Variants in MPP7 observed in about 807,000 individuals in gnomAD.
MPP7 encodes MAGUK p55 scaffold protein 7.
A neutral mutation model predicts 76.5 loss-of-function variants in MPP7; 60 were observed. That is an observed-to-expected ratio of 0.78 (90% CI 0.64 to 0.97). The LOEUF (loss-of-function observed/expected upper bound fraction) is 0.97. Among genes scored for constraint, MPP7 ranks in the 50% least tolerant of loss-of-function variants. MPP7 has a pLI of 0.00. For missense variants in MPP7, 641 were observed against 694.0 expected (o/e 0.92, Z 0.86); for synonymous variants, 237 against 244.5 (o/e 0.97, Z 0.29).
chr10:28,092,577 CTT>C (rs397969009), intron 11 of MPP7, among the ~76,000 whole-genome samples: 13 of 121,008 alleles, frequency 1.1e-4, no homozygotes, highest in Admixed American at 1.9e-4. Flanking sequence ...GAAAAGGGAC[CTT>C]TTTTTTTTTT....
intron 12 of MPP7, 120 bp downstream of exon 12, chr10:28,089,551 A>C: frequency 1.2e-6 from 1 of 850,542 alleles, no homozygotes; most frequent in Non-Finnish European, 1.8e-6. Flanking sequence ...GAGACAAGAC[A>C]AAAGGTGTTG....
At chr10:28,086,698 TAC>T (rs1487304933) in intron 12 of MPP7, among the ~76,000 whole-genome samples, 1 of 152,168 alleles carries the variant, frequency 6.6e-6, no homozygotes, top group African/African-American at 2.4e-5. Flanking sequence ...GGGGTTCCAT[TAC>T]ACAGTTTTGA....
chr10:28,063,075 A>G (rs1194932890), intron 13 of MPP7, among the ~76,000 whole-genome samples: 1 of 152,196 alleles, frequency 6.6e-6, no homozygotes, highest in East Asian at 1.9e-4. Context: ...AGACTGGAAG[A>G]AAATATGTGT....
At chr10:28,136,531 G>T (rs1463674590) in intron 5 of MPP7, among the ~76,000 whole-genome samples, 1 of 152,064 alleles carries the variant, frequency 6.6e-6, no homozygotes, top group Non-Finnish European at 1.5e-5. Flanking sequence ...AAATTACACA[G>T]ATGATAAACT....
intron 5 of MPP7, among the ~76,000 whole-genome samples, chr10:28,145,090 T>G (rs1228029330): frequency 6.6e-6 from 1 of 152,172 alleles, no homozygotes; most frequent in Non-Finnish European, 1.5e-5. Flanking sequence ...ATTTTTTGTA[T>G]TTTTAGTAGA....
chr10:28,146,540 T>C (rs1440098090), intron 5 of MPP7, among the ~76,000 whole-genome samples: 1 of 151,822 alleles, frequency 6.6e-6, no homozygotes, highest in Non-Finnish European at 1.5e-5. Flanking sequence ...TAGCTGGGAC[T>C]ACAGGCGCCC....
chr10:28,256,088 T>A (rs1408186567), intron 1 of MPP7, among the ~76,000 whole-genome samples: 1 of 152,068 alleles, frequency 6.6e-6, no homozygotes, highest in Non-Finnish European at 1.5e-5. Context: ...AGGTCAACAG[T>A]ATACTAGGAG....
At chr10:28,235,488 T>C in intron 2 of MPP7, among the ~76,000 whole-genome samples, 1 of 152,158 alleles carries the variant, frequency 6.6e-6, no homozygotes. Context: ...TATGTAATGC[T>C]GGATTATGAT....
At chr10:28,282,806 G>C (rs1840709167) in intron 1 of MPP7, among the ~76,000 whole-genome samples, 1 of 151,770 alleles carries the variant, frequency 6.6e-6, no homozygotes, top group Non-Finnish European at 1.5e-5. Flanking sequence ...TTCTGTGTCG[G>C]TGACCTCCTC....
At chr10:28,194,766 C>G (rs901235486) in intron 3 of MPP7, among the ~76,000 whole-genome samples, 10 of 152,112 alleles carry the variant, frequency 6.6e-5, no homozygotes, top group Admixed American at 2.6e-4. Flanking sequence ...TAAAACTATT[C>G]TTCATGACAA....
chr10:28,224,359 T>TA (rs56223552), intron 2 of MPP7, among the ~76,000 whole-genome samples: 145 of 141,860 alleles, frequency 1.0e-3, no homozygotes, highest in East Asian at 2.8e-3. Flanking sequence ...ATATCAAAGT[T>TA]AAAAAAAAAA....
At chr10:28,231,547 CAA>C (rs774583565) in intron 2 of MPP7, among the ~76,000 whole-genome samples, 4 of 129,834 alleles carry the variant, frequency 3.1e-5, no homozygotes, top group Non-Finnish European at 1.7e-5. Flanking sequence ...ACATCAGGAC[CAA>C]AAAAAAAAAA....
intron 2 of MPP7, among the ~76,000 whole-genome samples, chr10:28,316,202 C>T (rs976431047): frequency 6.6e-6 from 1 of 151,656 alleles, no homozygotes. Flanking sequence ...TTTGGGAGGA[C>T]GAGGCAGGTA....
rs981065019 is a variant in MPP7, at chr10:28,052,019, T to A, written c.*2046A>T. 6.7e-6 allele frequency: 1 copy of A among 149,318 alleles called. No homozygotes were observed. Among genetic ancestry groups the A allele is most frequent in the African/African-American group, 2.5e-5 (1 of 40,222 alleles). 9.2% of individuals were successfully genotyped at this position (149,318 alleles called of 1,614,324 possible). A position where few individuals can be genotyped will look rare whatever the true frequency, so the allele number is the denominator to read the frequency against. The stretch of plus-strand genomic sequence containing the variant: ...CCTTTCTTTTTTAAAATGTTATATT[T>A]TTATAACATCTTATTATTACCACCA... On this transcript the variant is annotated 3_prime_UTR_variant, in exon 17 of 17. Transcript: ENST00000683449.
At chr10:28,177,766 C>T (rs983086793) in intron 3 of MPP7, among the ~76,000 whole-genome samples, 4 of 152,042 alleles carry the variant, frequency 2.6e-5, no homozygotes, top group Admixed American at 2.0e-4. Flanking sequence ...AGGAAGCCAC[C>T]GCATAGAACC....
At chr10:28,238,889 TGA>T (rs1344965851) in intron 1 of MPP7, among the ~76,000 whole-genome samples, 154 bp from the exon 2 acceptor site, 4 of 152,222 alleles carry the variant, frequency 2.6e-5, no homozygotes, top group African/African-American at 9.6e-5. Flanking sequence ...GTACAAACTG[TGA>T]GAGTTTCTGA....
intron 1 of MPP7, among the ~76,000 whole-genome samples, chr10:28,261,823 G>T (rs963042889): frequency 1.3e-5 from 2 of 152,016 alleles, no homozygotes; most frequent in African/African-American, 2.4e-5. Flanking sequence ...GAGGCAGGAG[G>T]ATTGCTTGAG....
rs191923119 is a variant in MPP7, at chr10:28,218,786, T to A, written c.38-16515A>T. Among the ~76,000 whole-genome samples, 1,146 of 152,296 alleles carry A rather than the reference T, an allele frequency of 7.5e-3. 16 individuals carry two copies. Among genetic ancestry groups the A allele is most frequent in the African/African-American group, 0.026 (1,072 of 41,558 alleles). ...AATTTAAAAACACCAGAATTTTTTT[T>A]AAAAAATAAAACAAACATGTAACTT... On this transcript the variant is annotated intron_variant, in intron 2 of 16. Coordinates refer to ENST00000683449, the MANE Select transcript of MPP7 (RefSeq NM_001318170.2).
intron 12 of MPP7, among the ~76,000 whole-genome samples, chr10:28,072,196 C>A (rs1852270092): frequency 6.6e-6 from 1 of 152,112 alleles, no homozygotes; most frequent in Non-Finnish European, 1.5e-5. Context: ...ATTGCTTGAA[C>A]CAGGGAGGCG....
Sources: gnomAD v4.1 joint callset for allele counts (sites outside exome capture counted in the v4.1 genomes callset) on GRCh38, gnomAD v4.1.1 for gene constraint, MANE v1.5 for transcripts, NCBI Gene and HGNC (gene_info 2026-07-23, HGNC 2026-07-21) for gene names.